Variants in VPS13C observed in about 807,000 individuals in gnomAD.
VPS13C encodes intermembrane lipid transfer protein VPS13C.
VPS13C carries 358 observed loss-of-function variants against 456.8 expected under a neutral mutation model. The observed-to-expected ratio is 0.78, with a 90% CI of 0.72 to 0.86. VPS13C has a LOEUF of 0.86. Among genes scored for constraint, VPS13C ranks in the 40% least tolerant of loss-of-function variants. The probability of loss-of-function intolerance (pLI) is 0.00; values close to 1 mark genes in which losing one functional copy is unlikely to be tolerated. For missense variants in VPS13C, 4,818 were observed against 4,385.4 expected, an observed-to-expected ratio of 1.10 and a Z score of -2.79; for synonymous variants, 1,578 against 1,486.7, an observed-to-expected ratio of 1.06 and a Z score of -1.41.
At chr15:61,994,561 G>A (rs767691863) in intron 16 of VPS13C, among the ~76,000 whole-genome samples, 15 of 151,882 alleles carry the variant, frequency 9.9e-5, no homozygotes, top group South Asian at 4.2e-4. Flanking sequence ...GCAAATTCTG[G>A]TATATGCACA....
intron 69 of VPS13C, among the ~76,000 whole-genome samples, chr15:61,882,258 A>G (rs1049311906): frequency 6.6e-6 from 1 of 152,148 alleles, no homozygotes; most frequent in African/African-American, 2.4e-5. Context: ...GCAAGCATCC[A>G]AAAGGAACCT....
chr15:61,941,746 A>C lies in VPS13C; in HGVS notation c.5453+17T>G. The C allele has an allele frequency of 6.3e-7, 1 of 1,585,574 alleles. No individual in the cohort carries two copies. Among genetic ancestry groups the C allele is most frequent in the Non-Finnish European group, 8.6e-7 (1 of 1,164,882 alleles). ...TATTTCTAGTAAGCAATACACAATT[A>C]GATTACATATTTATACCTTGACAGC... On this transcript the variant is annotated intron_variant, in intron 46 of 84. Transcript: ENST00000644861.
At chr15:61,865,402 G>T (rs1459544649) in intron 81 of VPS13C, 1 of 983,220 alleles carries the variant, frequency 1.0e-6, no homozygotes, top group African/African-American at 1.8e-5. Context: ...AAATGTTAAT[G>T]AGGCATTTCT....
intron 15 of VPS13C, among the ~76,000 whole-genome samples, chr15:62,004,223 T>C (rs2140476076): frequency 6.6e-6 from 1 of 151,648 alleles, no homozygotes; most frequent in Middle Eastern, 3.4e-3. Flanking sequence ...ATTCAGAGAT[T>C]CAACTTCTTC....
rs2047543173 is a variant in VPS13C, at chr15:62,023,803, A to C, written c.491T>G (p.Phe164Cys). 1 of 1,610,762 alleles carries C rather than the reference A, an allele frequency of 6.2e-7. No individual in the cohort carries two copies. The highest frequency in any genetic ancestry group is 1.7e-5 in the Admixed American group (1 of 59,888). ...ACCTTTTGAACGATCAAGACCTTTA[A>C]AAGGTTTCTTAAAATGTTTTTTGTG... is the stretch of plus-strand genomic sequence containing the variant. Reference protein sequence around the residue: ...KKHKKHFKKPFKGLDRSKDKP... With the variant: ...KKHKKHFKKPCKGLDRSKDKP... The change falls in exon 7 of 85, where the codon TTT (phenylalanine) becomes TGT (cysteine). Residue 164 changes from phenylalanine to cysteine, a missense_variant. Transcript: ENST00000644861.
At chr15:62,025,816 C>T (rs1194287206) in intron 6 of VPS13C, among the ~76,000 whole-genome samples, 2 of 151,884 alleles carry the variant, frequency 1.3e-5, no homozygotes, top group Non-Finnish European at 2.9e-5. Context: ...AACTTGAGGA[C>T]TCTAAAGAAC....
rs547629697 is a variant in VPS13C at position 61,884,940 on chromosome 15, T to C, written c.9342-671A>G. 3.0e-4 allele frequency among the ~76,000 whole-genome samples: 45 copies of C among 152,250 alleles called. No homozygotes were observed. The South Asian group carries it at 8.9e-3, about 30-fold the overall frequency. On this transcript the variant is annotated intron_variant, in intron 67 of 84. Coordinates refer to ENST00000644861, the MANE Select transcript of VPS13C (RefSeq NM_020821.3). ...CTCTTGATATTTGCCTTTTAGTATA[T>C]TAATACATTACAGGTCAATCACTTC...
At chr15:62,013,004 T>A in intron 11 of VPS13C, 35 bp downstream of exon 11, 1 of 1,535,262 alleles carries the variant, frequency 6.5e-7, no homozygotes, top group Non-Finnish European at 8.9e-7. Flanking sequence ...GGGATGGGAG[T>A]GAAGTTAGCT....
intron 60 of VPS13C, 25 bp from the exon 61 acceptor site, chr15:61,916,047 A>C (rs2037830731): frequency 6.5e-7 from 1 of 1,530,664 alleles, no homozygotes; most frequent in African/African-American, 1.4e-5. Flanking sequence ...AAATTCGCTG[A>C]GTAACTTTTT....
At chr15:61,972,562 G>A (rs963613291) in intron 27 of VPS13C, 63 bp downstream of exon 27, 4 of 1,565,764 alleles carry the variant, frequency 2.6e-6, no homozygotes, top group Non-Finnish European at 3.5e-6. Flanking sequence ...GGTCTAGCTT[G>A]AGGATAGCTT....
intron 5 of VPS13C, among the ~76,000 whole-genome samples, chr15:62,031,909 A>G (rs1447303079): frequency 1.3e-5 from 2 of 151,938 alleles, no homozygotes; most frequent in South Asian, 2.1e-4. Flanking sequence ...GTCAATCACG[A>G]AAACAAATGA....
intron 15 of VPS13C, among the ~76,000 whole-genome samples, chr15:62,003,978 T>C (rs894431190): frequency 2.0e-5 from 3 of 152,146 alleles, no homozygotes; most frequent in African/African-American, 4.8e-5. Flanking sequence ...GGTCTAAAAT[T>C]CTCTTTTTTG....
intron 3 of VPS13C, among the ~76,000 whole-genome samples, chr15:62,035,729 A>T (rs2047973363): frequency 6.6e-6 from 1 of 152,036 alleles, no homozygotes; most frequent in Admixed American, 6.6e-5. Context: ...TATATTCCAA[A>T]TATCTACTTA....
intron 22 of VPS13C, among the ~76,000 whole-genome samples, chr15:61,979,031 T>C (rs1434304591): frequency 6.6e-6 from 1 of 152,184 alleles, no homozygotes; most frequent in Non-Finnish European, 1.5e-5. Context: ...ACTCCTCCTC[T>C]TCCTGGCTCT....
At chr15:61,865,016 C>T (rs1020609657) in intron 81 of VPS13C, 4 of 984,154 alleles carry the variant, frequency 4.1e-6, no homozygotes, top group African/African-American at 3.5e-5. Flanking sequence ...TATAATTTAT[C>T]ACCATAATAC....
chr15:61,920,856 G>C (rs538714800), intron 55 of VPS13C, among the ~76,000 whole-genome samples: 1 of 152,060 alleles, frequency 6.6e-6, no homozygotes, highest in African/African-American at 2.4e-5. Flanking sequence ...GAAAAGTTTA[G>C]AATTACGCCA....
chr15:61,985,455 C>T (rs1162715359), intron 18 of VPS13C, among the ~76,000 whole-genome samples: 3 of 152,114 alleles, frequency 2.0e-5, no homozygotes, highest in Admixed American at 2.0e-4. Flanking sequence ...TGGGGTTTCA[C>T]CATGTTGGTC....
intron 6 of VPS13C, among the ~76,000 whole-genome samples, chr15:62,025,940 A>G (rs2047620932): frequency 6.6e-6 from 1 of 151,518 alleles, no homozygotes; most frequent in South Asian, 2.1e-4. Flanking sequence ...TTATAAAAAT[A>G]GCTATATTTT....
intron 38 of VPS13C, among the ~76,000 whole-genome samples, chr15:61,953,491 T>C (rs997854064): frequency 1.3e-5 from 2 of 150,672 alleles, no homozygotes; most frequent in African/African-American, 4.9e-5. Context: ...TATGTGGTGT[T>C]TGGTTTTTTG....
Sources: gnomAD v4.1 joint callset for allele counts (sites outside exome capture counted in the v4.1 genomes callset) on GRCh38, gnomAD v4.1.1 for gene constraint, MANE v1.5 for transcripts, NCBI Gene and HGNC (gene_info 2026-07-23, HGNC 2026-07-21) for gene names.